The following FSTL5 variants were observed in gnomAD, a reference collection of about 807,000 sequenced individuals.
FSTL5 encodes the protein follistatin like 5.
Under a neutral mutation model 89.1 loss-of-function variants are expected in FSTL5, and 62 were observed. That is an observed-to-expected ratio of 0.70 (90% CI 0.57 to 0.86). The LOEUF (loss-of-function observed/expected upper bound fraction) is 0.86. FSTL5 is among the 40% of genes least tolerant of loss of function. The probability of loss-of-function intolerance (pLI) is 0.00; values close to 1 mark genes in which losing one functional copy is unlikely to be tolerated. For synonymous variants in FSTL5, 383 were observed against 346.2 expected, an observed-to-expected ratio of 1.11 and a Z score of -1.18; for missense variants, 1,057 against 1,001.6, an observed-to-expected ratio of 1.06 and a Z score of -0.75.
intron 4 of FSTL5, among the ~76,000 whole-genome samples, chr4:161,891,751 C>T (rs1732995850): frequency 6.6e-6 from 1 of 151,994 alleles, no homozygotes; most frequent in African/African-American, 2.4e-5. Flanking sequence ...AGCTTGGAAT[C>T]TCATTATGTC....
At chr4:161,526,150 C>T (rs2126522990) in intron 10 of FSTL5, among the ~76,000 whole-genome samples, 1 of 152,180 alleles carries the variant, frequency 6.6e-6, no homozygotes. Flanking sequence ...TGAAACATAA[C>T]TCTGAAATTA....
intron 2 of FSTL5, among the ~76,000 whole-genome samples, chr4:162,058,768 T>C (rs1331152418): frequency 6.6e-6 from 1 of 152,068 alleles, no homozygotes; most frequent in Non-Finnish European, 1.5e-5. Context: ...ATGGTTGACA[T>C]GCAATTAAAA....
At chr4:162,001,526 G>A (rs1348029670) in intron 3 of FSTL5, among the ~76,000 whole-genome samples, 1 of 152,050 alleles carries the variant, frequency 6.6e-6, no homozygotes, top group East Asian at 1.9e-4. Context: ...GTCTGATAGT[G>A]AGCAGATTTA....
intron 7 of FSTL5, among the ~76,000 whole-genome samples, chr4:161,592,588 GC>G (rs1435303770): frequency 2.6e-5 from 4 of 152,052 alleles, no homozygotes; most frequent in Non-Finnish European, 5.9e-5. Context: ...CCATGTCGCT[GC>G]AAAGGACATG....
chr4:161,829,244 A>G (rs1730766962), intron 4 of FSTL5, among the ~76,000 whole-genome samples: 1 of 149,756 alleles, frequency 6.7e-6, no homozygotes, highest in African/African-American at 2.4e-5. Flanking sequence ...TAAATATATG[A>G]TCTGGTATTC....
chr4:161,686,522 C>A (rs946868888), intron 6 of FSTL5, among the ~76,000 whole-genome samples: 4 of 150,516 alleles, frequency 2.7e-5, no homozygotes, highest in Non-Finnish European at 4.4e-5. Flanking sequence ...CCATGCCCAG[C>A]TAATTTTTTT....
chr4:161,560,074 G>A (rs1017307666), intron 8 of FSTL5, among the ~76,000 whole-genome samples: 1 of 151,586 alleles, frequency 6.6e-6, no homozygotes, highest in Non-Finnish European at 1.5e-5. Context: ...TAGCTCATCA[G>A]CCATCATTAG....
chr4:161,672,124 C>T (rs1737137705), intron 6 of FSTL5, among the ~76,000 whole-genome samples: 1 of 152,126 alleles, frequency 6.6e-6, no homozygotes, highest in Non-Finnish European at 1.5e-5. Context: ...TAATTATTGT[C>T]AACTCTTTGC....
chr4:161,694,615 T>G (rs1259706048), intron 6 of FSTL5, among the ~76,000 whole-genome samples: 1 of 152,108 alleles, frequency 6.6e-6, no homozygotes, highest in Non-Finnish European at 1.5e-5. Context: ...ATCTAATAAA[T>G]TCAACACCTA....
At chr4:161,936,604 C>T (rs1168679953) in intron 3 of FSTL5, among the ~76,000 whole-genome samples, 2 of 151,988 alleles carry the variant, frequency 1.3e-5, no homozygotes, top group African/African-American at 2.4e-5. Context: ...TACCAAGTAC[C>T]GCAGGAAATG....
In FSTL5 at chr4:161,384,116, A is replaced by C. The variant is rs1730530975; in HGVS notation, c.*1631T>G. 6.6e-6 allele frequency: 1 copy of C among 152,320 alleles called. No homozygotes were observed. The highest frequency in any genetic ancestry group is 1.5e-5 in the Non-Finnish European group (1 of 68,016). The allele number at this position is 152,320 out of a possible 1,614,324, so 9.4% of individuals were successfully genotyped here. A position where few individuals can be genotyped will look rare whatever the true frequency, so the allele number is the denominator to read the frequency against. Reference sequence around the variant, plus strand: ...TAAGCTGATTTTTGTTGTTTATTAAATCTACCTCGCATGTTTCTGCTAAGA... The same window carrying C: ...TAAGCTGATTTTTGTTGTTTATTAACTCTACCTCGCATGTTTCTGCTAAGA... On this transcript the variant is annotated 3_prime_UTR_variant, in exon 16 of 16. Coordinates refer to ENST00000306100, the MANE Select transcript of FSTL5 (RefSeq NM_020116.5).
intron 8 of FSTL5, among the ~76,000 whole-genome samples, chr4:161,554,673 T>C (rs778626212): frequency 9.2e-5 from 14 of 151,686 alleles, no homozygotes; most frequent in African/African-American, 1.9e-4. Flanking sequence ...TTCTTGATGC[T>C]ATTATCTTGT....
chr4:162,013,851 G>A (rs1464311209), intron 3 of FSTL5, among the ~76,000 whole-genome samples: 6 of 151,136 alleles, frequency 4.0e-5, no homozygotes, highest in African/African-American at 1.5e-4. Context: ...CTTATCCATA[G>A]GCATTAAAAA....
At chr4:162,001,991 T>A (rs991998614) in intron 3 of FSTL5, among the ~76,000 whole-genome samples, 5 of 152,200 alleles carry the variant, frequency 3.3e-5, no homozygotes, top group African/African-American at 1.2e-4. Context: ...TCTACTTTTT[T>A]TATTTTTTTT....
intron 3 of FSTL5, among the ~76,000 whole-genome samples, chr4:161,940,022 G>C (rs1734534751): frequency 6.6e-6 from 1 of 151,824 alleles, no homozygotes; most frequent in Non-Finnish European, 1.5e-5. Flanking sequence ...CTCAGCAGTG[G>C]TGCTGAAGAC....
chr4:161,690,519 T>C (rs1239987530), intron 6 of FSTL5, among the ~76,000 whole-genome samples: 2 of 152,126 alleles, frequency 1.3e-5, no homozygotes, highest in Non-Finnish European at 2.9e-5. Context: ...TTGGTTGTCT[T>C]TCTGTTGTTG....
intron 7 of FSTL5, among the ~76,000 whole-genome samples, chr4:161,631,731 C>T (rs17403181): frequency 0.47 from 71,760 of 152,018 alleles, 17,123 homozygotes; most frequent in South Asian, 0.53. Context: ...AGAACCTCTT[C>T]TGACACACAA....
At chr4:161,808,754 G>A (rs544006248) in intron 4 of FSTL5, among the ~76,000 whole-genome samples, 15 of 152,048 alleles carry the variant, frequency 9.9e-5, no homozygotes, top group Non-Finnish European at 2.1e-4. Flanking sequence ...TCTCTCATGA[G>A]GGGTTAATAT....
intron 7 of FSTL5, among the ~76,000 whole-genome samples, chr4:161,615,714 G>A (rs1188360315): frequency 6.6e-6 from 1 of 152,126 alleles, no homozygotes; most frequent in African/African-American, 2.4e-5. Flanking sequence ...GATTGTGGGT[G>A]TTAAATGCTA....
Sources: allele counts gnomAD v4.1 joint callset (sites outside exome capture counted in the v4.1 genomes callset), GRCh38; gene constraint gnomAD v4.1.1; transcripts MANE v1.5; gene names NCBI Gene and HGNC (gene_info 2026-07-23, HGNC 2026-07-21).